The following CD5 variants were observed in gnomAD, a reference collection of about 807,000 sequenced individuals.
CD5 encodes the protein CD5 molecule.
Under a neutral mutation model 60.3 loss-of-function variants are expected in CD5, and 36 were observed. That is an observed-to-expected ratio of 0.60 (90% CI 0.46 to 0.79). The LOEUF (loss-of-function observed/expected upper bound fraction) is 0.79. CD5 is among the 30% of genes least tolerant of loss of function. The probability of loss-of-function intolerance (pLI) is 0.00; values close to 1 mark genes in which losing one functional copy is unlikely to be tolerated. For synonymous variants in CD5, 230 were observed against 257.6 expected (o/e 0.89, Z 1.03); for missense variants, 540 against 630.6 (o/e 0.86, Z 1.54).
chr11:61,121,952 C>G, intron 6 of CD5, 48 bp downstream of exon 6: 1 of 1,465,452 alleles, frequency 6.8e-7, no homozygotes, highest in Non-Finnish European at 9.2e-7. Flanking sequence ...ACTACTTTAC[C>G]TCTAGGACCC....
chr11:61,095,345 G>A, the CD5 span, among the ~76,000 whole-genome samples: 2 of 152,184 alleles, frequency 1.3e-5, no homozygotes, highest in African/African-American at 4.8e-5. Flanking sequence ...GGGTAGATGA[G>A]GACGGACACA....
At chr11:61,111,037 T>C (rs1053024869) in intron 1 of CD5, among the ~76,000 whole-genome samples, 3 of 152,178 alleles carry the variant, frequency 2.0e-5, no homozygotes, top group Non-Finnish European at 2.9e-5. Context: ...AAAGCATTTG[T>C]TAGAGCATTT....
Position 61,118,566 on chromosome 11 carries a change from A to G in CD5, c.400+86A>G. The G allele has an allele frequency of 7.2e-7, 1 of 1,389,526 alleles. No homozygotes were observed. Among genetic ancestry groups the G allele is most frequent in the Non-Finnish European group, 9.9e-7 (1 of 1,009,418 alleles). 86.1% of individuals were successfully genotyped at this position (1,389,526 alleles called of 1,614,324 possible). A position where few individuals can be genotyped will look rare whatever the true frequency, so the allele number is the denominator to read the frequency against. ...CCCGAGGCCTGTGATCTAGGGTCTG[A>G]GCAGGCTGGTGGAAGGGGTGGGGGG... On this transcript the variant is annotated intron_variant, in intron 3 of 10. Transcript: ENST00000347785. This position sits in a 1 kb window ranked among gnomAD's most constrained non-coding sequence, Gnocchi z 4.7.
At chr11:61,124,687 A>G (rs1861120162) in intron 8 of CD5, among the ~76,000 whole-genome samples, 1 of 151,932 alleles carries the variant, frequency 6.6e-6, no homozygotes, top group Non-Finnish European at 1.5e-5. Context: ...TTTCTTAATA[A>G]CATACAGGCC....
intron 1 of CD5, among the ~76,000 whole-genome samples, chr11:61,104,171 C>A (rs1282348393): frequency 6.6e-6 from 1 of 151,400 alleles, no homozygotes; most frequent in Non-Finnish European, 1.5e-5. Context: ...GGAGTCTGTG[C>A]GCATGTGTGT....
At chr11:61,099,307 C>T (rs1860623549), upstream of CD5, among the ~76,000 whole-genome samples, 1 of 151,876 alleles carries the variant, frequency 6.6e-6, no homozygotes, top group Admixed American at 6.6e-5. Flanking sequence ...ACATACACCC[C>T]AACATGGAGA....
At chr11:61,119,094 C>A in intron 4 of CD5, 117 bp downstream of exon 4, 1 of 1,177,034 alleles carries the variant, frequency 8.5e-7, no homozygotes, top group Non-Finnish European at 1.2e-6. Flanking sequence ...GTGTGTTCTA[C>A]GCAATATTTG....
the CD5 span, among the ~76,000 whole-genome samples, chr11:61,096,348 G>T: frequency 1.4e-4 from 21 of 152,236 alleles, no homozygotes; most frequent in African/African-American, 5.1e-4. Context: ...GGGACCGGGC[G>T]CAAGCACCCC....
chr11:61,118,561 G>A lies in CD5; in HGVS notation c.400+81G>A, dbSNP rs1861000029. 7.1e-7 allele frequency: 1 copy of A among 1,418,316 alleles called. No individual in the cohort carries two copies. Among genetic ancestry groups the A allele is most frequent in the Non-Finnish European group, 9.7e-7 (1 of 1,030,470 alleles). 87.9% of individuals were successfully genotyped at this position (1,418,316 alleles called of 1,614,324 possible). ...GACTGCCCGAGGCCTGTGATCTAGG[G>A]TCTGAGCAGGCTGGTGGAAGGGGTG... On this transcript the variant is annotated intron_variant, in intron 3 of 10. Transcript: ENST00000347785. The surrounding 1 kb of genome is among the most constrained non-coding windows in gnomAD (Gnocchi z 4.7).
intron 7 of CD5, 59 bp downstream of exon 7, chr11:61,123,091 C>G (rs4245224): frequency 6.6e-7 from 1 of 1,521,368 alleles, no homozygotes; most frequent in Non-Finnish European, 8.9e-7. Flanking sequence ...AGGGGCTGCA[C>G]TAGAGTCCTC....
At chr11:61,100,556 ACACACACACATCAACATGGAGAT>A (rs1372429392), upstream of CD5, among the ~76,000 whole-genome samples, 1 of 120,316 alleles carries the variant, frequency 8.3e-6, no homozygotes, top group Non-Finnish European at 1.7e-5. Context: ...CATGGAGATC[ACACACACACATCAACATGGAGAT>A]CACACACACA....
At chr11:61,125,272 G>A in intron 9 of CD5, 121 bp downstream of exon 9, 4 of 1,093,512 alleles carry the variant, frequency 3.7e-6, no homozygotes, top group East Asian at 2.5e-5. Context: ...ACCCCAGGGT[G>A]CAAGGGGATC....
In CD5 at chr11:61,127,397, T is replaced by C. The variant is rs1051716945; in HGVS notation, c.*1112T>C. On this transcript the variant is annotated 3_prime_UTR_variant, in exon 11 of 11. Coordinates refer to ENST00000347785, the MANE Select transcript of CD5 (RefSeq NM_014207.4). ...TAAGACAGGTCCTTTCTCCACGCCATTTGATGCTGTATCTCCTGGGAGCAC... is the reference window on the plus strand; with the variant it reads ...TAAGACAGGTCCTTTCTCCACGCCACTTGATGCTGTATCTCCTGGGAGCAC... 2.0e-5 allele frequency: 3 copies of C among 152,230 alleles called. No homozygotes were observed. Among genetic ancestry groups the C allele is most frequent in the African/African-American group, 7.2e-5 (3 of 41,572 alleles). 9.4% of individuals were successfully genotyped at this position (152,230 alleles called of 1,614,324 possible). A position where few individuals can be genotyped will look rare whatever the true frequency, so the allele number is the denominator to read the frequency against.
chr11:61,114,605 C>T (rs941936584), intron 1 of CD5, among the ~76,000 whole-genome samples: 1 of 152,110 alleles, frequency 6.6e-6, no homozygotes, highest in Non-Finnish European at 1.5e-5. Context: ...CATGCCACTG[C>T]ACTCCAGCCT....
At chr11:61,103,395 G>A (rs950090654) in intron 1 of CD5, among the ~76,000 whole-genome samples, 1 of 152,216 alleles carries the variant, frequency 6.6e-6, no homozygotes, top group African/African-American at 2.4e-5. Flanking sequence ...GGGTGACAGA[G>A]GTGCGTGACT....
At chr11:61,099,646 C>T (rs1313837928), upstream of CD5, among the ~76,000 whole-genome samples, 2 of 149,766 alleles carry the variant, frequency 1.3e-5, no homozygotes, top group African/African-American at 5.0e-5. Context: ...CACACATCAA[C>T]ATGGAGATCA....
intron 2 of CD5, among the ~76,000 whole-genome samples, chr11:61,115,760 G>A (rs1418162687): frequency 6.6e-6 from 1 of 152,344 alleles, no homozygotes; most frequent in South Asian, 2.1e-4. Flanking sequence ...TGTACCTGGG[G>A]AGAATTGTGG....
intron 1 of CD5, among the ~76,000 whole-genome samples, chr11:61,104,092 A>G (rs1323559954): frequency 7.8e-6 from 1 of 128,944 alleles, no homozygotes; most frequent in African/African-American, 3.1e-5. Context: ...GTCTCTGGGC[A>G]TGTGTGTGAG....
intron 2 of CD5, among the ~76,000 whole-genome samples, chr11:61,116,909 C>G (rs1272945365): frequency 6.6e-6 from 1 of 151,350 alleles, no homozygotes; most frequent in East Asian, 1.9e-4. Flanking sequence ...CACACACACA[C>G]ATATATTTTT....
Sources: allele counts gnomAD v4.1 joint callset (sites outside exome capture counted in the v4.1 genomes callset), GRCh38; gene constraint gnomAD v4.1.1; non-coding constraint Gnocchi (gnomAD v3.1); transcripts MANE v1.5; gene names NCBI Gene and HGNC (gene_info 2026-07-23, HGNC 2026-07-21).